ROBO1: variants seen among roughly 807,000 people sequenced by gnomAD.
The protein encoded by ROBO1 is roundabout homolog 1.
In ROBO1, 149 loss-of-function variants were observed where a neutral mutation model predicts 195.9. The observed-to-expected ratio is 0.76, with a 90% CI of 0.67 to 0.87. The LOEUF (loss-of-function observed/expected upper bound fraction) is 0.87, where lower values mean the gene tolerates loss of function less well. Ranked by LOEUF, ROBO1 falls within the 40% of genes least tolerant of loss-of-function variation. ROBO1 has a pLI of 0.00. For missense variants in ROBO1, 1,933 were observed against 2,068.3 expected (o/e 0.93, Z 1.27); for synonymous variants, 816 against 733.2 (o/e 1.11, Z -1.82).
intron 3 of ROBO1, among the ~76,000 whole-genome samples, chr3:79,081,823 A>C (rs577252151): frequency 1.3e-5 from 2 of 152,184 alleles, no homozygotes; most frequent in Non-Finnish European, 2.9e-5. Context: ...TCAATTTGGG[A>C]AAGTATAGGA....
At position 79,003,246 on chromosome 3, in the gene ROBO1, T is replaced by C. The variant is rs79152542; in HGVS notation, c.173-64319A>G. On this transcript the variant is annotated intron_variant, in intron 3 of 30. Transcript: ENST00000464233. ...CAAACTGTCAAATTAACGCTGAATT[T>C]TCCTTGACAATGCTCATGCCTTCTC... is the stretch of plus-strand genomic sequence containing the variant. Among the ~76,000 whole-genome samples, 286 of 152,260 alleles carry C rather than the reference T, an allele frequency of 1.9e-3. 11 individuals are homozygous for C. In the East Asian group the frequency reaches 0.051, roughly 27 times the overall value.
chr3:79,288,061 T>G (rs566367532), intron 2 of ROBO1, among the ~76,000 whole-genome samples: 1 of 152,256 alleles, frequency 6.6e-6, no homozygotes, highest in Non-Finnish European at 1.5e-5. Flanking sequence ...TATGACAAAC[T>G]AAAATAACCA....
intron 14 of ROBO1, among the ~76,000 whole-genome samples, chr3:78,666,403 A>G (rs932219782): frequency 7.2e-5 from 11 of 152,256 alleles, no homozygotes; most frequent in African/African-American, 2.7e-4. Context: ...TACATATTCC[A>G]GAATCATGCA....
chr3:78,820,164 G>T (rs1044183915), intron 4 of ROBO1, among the ~76,000 whole-genome samples: 7 of 151,162 alleles, frequency 4.6e-5, no homozygotes, highest in South Asian at 2.1e-4. Flanking sequence ...TTGATTATAC[G>T]CAAATTTCTT....
chr3:79,737,605 C>G lies in ROBO1; in HGVS notation c.-51+30147G>C, dbSNP rs971792468. ...CAAACAAGTCAGTCTTTTCCCAGCT[C>G]ATTGTTTAAAGTCAATAATGTAAAA... On this transcript the variant is annotated intron_variant, in intron 1 of 30. Transcript: ENST00000464233. Among the ~76,000 whole-genome samples the G allele has an allele frequency of 5.9e-4, 90 of 151,854 alleles. 2 individuals are homozygous for G. The highest frequency in any genetic ancestry group is 5.6e-3 in the Admixed American group (85 of 15,248).
At chr3:78,601,605 C>T (rs147864892) in intron 29 of ROBO1, among the ~76,000 whole-genome samples, 1 of 152,286 alleles carries the variant, frequency 6.6e-6, no homozygotes, top group African/African-American at 2.4e-5. Flanking sequence ...CTCTCTCTTA[C>T]TAAAAACTTT....
intron 10 of ROBO1, among the ~76,000 whole-genome samples, chr3:78,677,540 C>A (rs1237734361): frequency 6.6e-6 from 1 of 151,804 alleles, no homozygotes; most frequent in African/African-American, 2.4e-5. Context: ...TCTGATAAAA[C>A]AGACTTTAAA....
intron 4 of ROBO1, among the ~76,000 whole-genome samples, chr3:78,816,755 T>G (rs2029987087): frequency 6.6e-6 from 1 of 152,158 alleles, no homozygotes; most frequent in African/African-American, 2.4e-5. Context: ...GAATTACAAG[T>G]GGAGCCTGAT....
intron 1 of ROBO1, among the ~76,000 whole-genome samples, chr3:79,678,298 T>C (rs1327677607): frequency 6.6e-6 from 1 of 151,870 alleles, no homozygotes; most frequent in Admixed American, 6.6e-5. Flanking sequence ...AATCACTATA[T>C]ATATATATAT....
intron 3 of ROBO1, among the ~76,000 whole-genome samples, chr3:78,969,676 C>CTGG (rs1042287410): frequency 6.6e-6 from 1 of 152,270 alleles, no homozygotes; most frequent in Admixed American, 6.5e-5. Flanking sequence ...TGTGACGTGT[C>CTGG]TGGCAGAGCC....
At chr3:79,283,859 G>A (rs900243747) in intron 2 of ROBO1, among the ~76,000 whole-genome samples, 155 of 151,556 alleles carry the variant, frequency 1.0e-3, no homozygotes, top group African/African-American at 3.5e-3. Flanking sequence ...TACCACGCCC[G>A]GCTAATTTTT....
At chr3:79,566,038 T>C (rs1943078909) in intron 2 of ROBO1, among the ~76,000 whole-genome samples, 1 of 152,100 alleles carries the variant, frequency 6.6e-6, no homozygotes, top group African/African-American at 2.4e-5. Flanking sequence ...TGGATCCATT[T>C]AACTAATGAA....
At chr3:78,691,442 TA>T (rs987798759) in intron 8 of ROBO1, among the ~76,000 whole-genome samples, 3 of 152,100 alleles carry the variant, frequency 2.0e-5, no homozygotes, top group Non-Finnish European at 2.9e-5. Context: ...TCATACTATT[TA>T]AAAAAATTCA....
At chr3:79,499,589 A>C (rs1366772580) in intron 2 of ROBO1, among the ~76,000 whole-genome samples, 1 of 152,182 alleles carries the variant, frequency 6.6e-6, no homozygotes, top group Non-Finnish European at 1.5e-5. Flanking sequence ...AACAATGACC[A>C]CAAGCAGATC....
intron 1 of ROBO1, among the ~76,000 whole-genome samples, chr3:79,660,037 G>A (rs150228676): frequency 3.6e-4 from 55 of 152,110 alleles, no homozygotes; most frequent in Non-Finnish European, 6.6e-4. Flanking sequence ...CTTCTGGCAG[G>A]AGAATTAATC....
At chr3:79,178,297 C>A (rs2081288354) in intron 2 of ROBO1, among the ~76,000 whole-genome samples, 1 of 152,036 alleles carries the variant, frequency 6.6e-6, no homozygotes, top group Admixed American at 6.6e-5. Context: ...TGAAAAATAG[C>A]AGTAAATGAA....
chr3:78,779,113 G>A (rs941027424), intron 4 of ROBO1, among the ~76,000 whole-genome samples: 1 of 152,036 alleles, frequency 6.6e-6, no homozygotes, highest in African/African-American at 2.4e-5. Context: ...ATTAAAGATG[G>A]ATTAAAGACT....
At chr3:79,357,419 C>A (rs1412033528) in intron 2 of ROBO1, among the ~76,000 whole-genome samples, 1 of 152,030 alleles carries the variant, frequency 6.6e-6, no homozygotes, top group East Asian at 1.9e-4. Flanking sequence ...CTCAGGTAGT[C>A]AGCTAAAAAG....
At chr3:78,738,441 T>C (rs1383964702) in intron 5 of ROBO1, among the ~76,000 whole-genome samples, 1 of 152,198 alleles carries the variant, frequency 6.6e-6, no homozygotes, top group Non-Finnish European at 1.5e-5. Flanking sequence ...TAAATTGTTC[T>C]CCTATCTTCA....
Sources: gnomAD v4.1 joint callset for allele counts (sites outside exome capture counted in the v4.1 genomes callset) on GRCh38, gnomAD v4.1.1 for gene constraint, MANE v1.5 for transcripts, NCBI Gene and HGNC (gene_info 2026-07-23, HGNC 2026-07-21) for gene names.